UBE2E2: variants seen among roughly 807,000 people sequenced by gnomAD.
The protein encoded by UBE2E2 is ubiquitin-conjugating enzyme E2 E2.
UBE2E2 carries 6 observed loss-of-function variants against 24.7 expected under a neutral mutation model. The ratio of observed to expected loss-of-function variants is 0.24; its 90% CI spans 0.13 to 0.48. The LOEUF is 0.48. Among genes scored for constraint, UBE2E2 ranks in the 20% least tolerant of loss-of-function variants. UBE2E2 has a pLI of 0.99. For synonymous variants in UBE2E2, 104 were observed against 83.6 expected, an observed-to-expected ratio of 1.24 and a Z score of -1.33; for missense variants, 169 against 245.0, an observed-to-expected ratio of 0.69 and a Z score of 2.07.
At position 23,203,457 on chromosome 3, in the gene UBE2E2, C is replaced by CG; in HGVS notation, c.-16_-15insG. ...AGCCTGCGACCTGCACGGACACCCC[C>CG]CCCTCAGGTATTCGCTCGGGCCGCG... On this transcript the variant is annotated 5_prime_UTR_variant, in exon 1 of 6. Coordinates refer to ENST00000396703, the MANE Select transcript of UBE2E2 (RefSeq NM_152653.4). 3 of 965,276 alleles carry CG rather than the reference C, an allele frequency of 3.1e-6. No homozygotes were observed. Among genetic ancestry groups the CG allele is most frequent in the South Asian group, 5.0e-5 (1 of 20,070 alleles). 59.8% of individuals were successfully genotyped at this position (965,276 alleles called of 1,614,324 possible).
chr3:23,212,249 C>T (rs1215465713), intron 2 of UBE2E2, among the ~76,000 whole-genome samples: 3 of 152,148 alleles, frequency 2.0e-5, no homozygotes, highest in Non-Finnish European at 4.4e-5. Context: ...GGAAAGATTA[C>T]AGTTACATCT....
chr3:23,578,099 G>A (rs1167271293), intron 5 of UBE2E2, among the ~76,000 whole-genome samples: 1 of 146,460 alleles, frequency 6.8e-6, no homozygotes, highest in Non-Finnish European at 1.5e-5. Context: ...AAATTTACAA[G>A]AAAAAAAATT....
At chr3:23,403,591 C>T (rs147131780) in intron 3 of UBE2E2, among the ~76,000 whole-genome samples, 3 of 152,196 alleles carry the variant, frequency 2.0e-5, no homozygotes, top group East Asian at 3.9e-4. Flanking sequence ...GAGGCCAAGG[C>T]GAGTGGATCA....
chr3:23,343,197 T>C (rs1029979195), intron 3 of UBE2E2, among the ~76,000 whole-genome samples: 1 of 152,064 alleles, frequency 6.6e-6, no homozygotes, highest in African/African-American at 2.4e-5. Context: ...CATGAAACAT[T>C]GTGACATGGA....
intron 3 of UBE2E2, among the ~76,000 whole-genome samples, chr3:23,355,771 C>G (rs1428713365): frequency 6.6e-6 from 1 of 152,194 alleles, no homozygotes; most frequent in African/African-American, 2.4e-5. Context: ...ACTGTCATTC[C>G]TCCTTTTTCT....
intron 3 of UBE2E2, among the ~76,000 whole-genome samples, chr3:23,267,327 AAG>A (rs1204048319): frequency 2.0e-5 from 3 of 152,242 alleles, no homozygotes; most frequent in Non-Finnish European, 4.4e-5. Flanking sequence ...TAAAGAAGAA[AAG>A]AGAGAAGAAT....
intron 5 of UBE2E2, among the ~76,000 whole-genome samples, chr3:23,573,668 AG>A (rs1260291850): frequency 1.3e-5 from 2 of 152,212 alleles, no homozygotes; most frequent in African/African-American, 4.8e-5. Context: ...TATGTTTTTA[AG>A]GTTTGTCATT....
At chr3:23,226,841 T>G (rs1696839413) in intron 3 of UBE2E2, among the ~76,000 whole-genome samples, 2 of 151,988 alleles carry the variant, frequency 1.3e-5, no homozygotes, top group African/African-American at 2.4e-5. Context: ...TTTAAAAAAA[T>G]TGTGTCATAG....
At chr3:23,268,902 A>G (rs1479116021) in intron 3 of UBE2E2, among the ~76,000 whole-genome samples, 2 of 152,194 alleles carry the variant, frequency 1.3e-5, no homozygotes, top group African/African-American at 2.4e-5. Flanking sequence ...AACGCCACAT[A>G]TCTACAACCA....
intron 5 of UBE2E2, among the ~76,000 whole-genome samples, chr3:23,560,303 G>A (rs1275718996): frequency 1.4e-5 from 2 of 146,362 alleles, no homozygotes; most frequent in African/African-American, 5.1e-5. Context: ...ACCTATGAGT[G>A]AGAACATGCG....
chr3:23,510,457 A>C (rs1344325056), intron 4 of UBE2E2, among the ~76,000 whole-genome samples: 2 of 152,044 alleles, frequency 1.3e-5, no homozygotes, highest in African/African-American at 2.4e-5. Flanking sequence ...AAATACAAAA[A>C]TTAGCCAGGC....
intron 5 of UBE2E2, among the ~76,000 whole-genome samples, chr3:23,552,907 A>G (rs780230535): frequency 3.3e-5 from 5 of 152,234 alleles, no homozygotes; most frequent in Non-Finnish European, 5.9e-5. Flanking sequence ...CAACATGTGT[A>G]TAGCAAAATT....
At chr3:23,369,252 T>A (rs116341993) in intron 3 of UBE2E2, among the ~76,000 whole-genome samples, 1,690 of 152,306 alleles carry the variant, frequency 0.011, 25 homozygotes, top group Non-Finnish European at 0.016. Context: ...CACAGCTTTG[T>A]GGTCCCAGGA....
At chr3:23,571,280 CTTTTTTTTTTTT>C (rs59243406) in intron 5 of UBE2E2, among the ~76,000 whole-genome samples, 10 of 29,866 alleles carry the variant, frequency 3.3e-4, no homozygotes, top group African/African-American at 7.2e-4. Flanking sequence ...GTGCTCCTTT[CTTTTTTTTTTTT>C]TTTTTTTTTT....
At chr3:23,421,410 T>C (rs2125391469) in intron 3 of UBE2E2, among the ~76,000 whole-genome samples, 1 of 152,300 alleles carries the variant, frequency 6.6e-6, no homozygotes, top group Admixed American at 6.5e-5. Context: ...TAACATGGAA[T>C]ACTATTCAGC....
intron 3 of UBE2E2, among the ~76,000 whole-genome samples, chr3:23,456,834 G>T (rs1698690669): frequency 6.6e-6 from 1 of 152,146 alleles, no homozygotes; most frequent in Non-Finnish European, 1.5e-5. Flanking sequence ...CTAACAAGAG[G>T]GTCAGCCTGT....
intron 3 of UBE2E2, among the ~76,000 whole-genome samples, chr3:23,413,521 CT>C (rs918019906): frequency 5.9e-5 from 9 of 152,148 alleles, no homozygotes; most frequent in Admixed American, 4.6e-4. Context: ...CCTTCAGCTT[CT>C]AATGTTTTTT....
intron 3 of UBE2E2, among the ~76,000 whole-genome samples, chr3:23,422,131 A>C (rs1258188527): frequency 1.3e-5 from 2 of 152,180 alleles, no homozygotes; most frequent in Non-Finnish European, 2.9e-5. Context: ...TTTATATTCC[A>C]AATAGAAGTA....
chr3:23,479,771 A>G (rs1401295330), intron 3 of UBE2E2, among the ~76,000 whole-genome samples: 1 of 152,208 alleles, frequency 6.6e-6, no homozygotes, highest in Admixed American at 6.5e-5. Context: ...CTCAGCAGAG[A>G]GGAGACCTGT....
Sources: gnomAD v4.1 joint callset for allele counts (sites outside exome capture counted in the v4.1 genomes callset) on GRCh38, gnomAD v4.1.1 for gene constraint, MANE v1.5 for transcripts, NCBI Gene and HGNC (gene_info 2026-07-23, HGNC 2026-07-21) for gene names.